Variants in SBNO2 observed in about 807,000 individuals in gnomAD.
SBNO2 encodes the protein strawberry notch homolog 2.
Under a neutral mutation model 146.3 loss-of-function variants are expected in SBNO2, and 89 were observed. That is an observed-to-expected ratio of 0.61 (90% CI 0.51 to 0.73). The LOEUF (loss-of-function observed/expected upper bound fraction) is 0.73, where lower values mean the gene tolerates loss of function less well. Among genes scored for constraint, SBNO2 ranks in the 30% least tolerant of loss-of-function variants. SBNO2 has a pLI of 0.00. For synonymous variants in SBNO2, 1,147 were observed against 892.6 expected (o/e 1.29, Z -5.08); for missense variants, 2,092 against 2,003.7 (o/e 1.04, Z -0.84).
At chr19:1,159,282 G>A (rs1387141035) in intron 1 of SBNO2, among the ~76,000 whole-genome samples, 1 of 151,832 alleles carries the variant, frequency 6.6e-6, no homozygotes, top group Non-Finnish European at 1.5e-5. Flanking sequence ...GCCCCAACTC[G>A]GCCGCCAGGA....
chr19:1,112,261 A>C lies in SBNO2; in HGVS notation c.2556T>G (p.Tyr852Ter). 1 of 1,592,844 alleles carries C rather than the reference A, an allele frequency of 6.3e-7. No homozygotes were observed. The change falls in exon 22 of 32, where the codon TAT (tyrosine) becomes TAG (stop). Residue 852 changes from tyrosine to a stop codon, truncating the protein, a stop_gained. Coordinates refer to ENST00000361757, the MANE Select transcript of SBNO2 (RefSeq NM_014963.3). LOFTEE classifies it high-confidence loss of function. This position sits in a 1 kb window ranked among gnomAD's most constrained non-coding sequence, Gnocchi z 5.9. ...CGGCCAGCTCCGAGATGAGGAAGACATACTCTGGCGCGGAGACCTGGTTGG... is the reference window on the plus strand; with the variant it reads ...CGGCCAGCTCCGAGATGAGGAAGACCTACTCTGGCGCGGAGACCTGGTTGG... ...HRSNQVSAPE[Y>*]VFLISELAGE...
rs375435245 is a variant in SBNO2 at position 1,122,504 on chromosome 19, G to A, written c.969C>T (p.Ile323=). 69 of 1,571,448 alleles carry A rather than the reference G, an allele frequency of 4.4e-5. No individual in the cohort carries two copies. Among genetic ancestry groups the A allele is most frequent in the Non-Finnish European group, 5.5e-5 (64 of 1,160,654 alleles). ...KYDAERDLRD[I]EATGIAVHAL... ...CGTGCACCGCGATGCCCGTGGCTTC[G>A]ATGTCCCGCAGGTCGCGCTCCGCAT... Residue 323 remains isoleucine (I), a synonymous_variant, in exon 10 of 32, where the codon ATC becomes ATT. Transcript: ENST00000361757.
At position 1,150,026 on chromosome 19, in the gene SBNO2, G is replaced by A. The variant is rs2080228042; in HGVS notation, c.94-584C>T. 6.6e-6 allele frequency among the ~76,000 whole-genome samples: 1 copy of A among 152,162 alleles called. No homozygotes were observed. Among genetic ancestry groups the A allele is most frequent in the African/African-American group, 2.4e-5 (1 of 41,426 alleles). On this transcript the variant is annotated intron_variant, in intron 2 of 31. Coordinates refer to ENST00000361757, the MANE Select transcript of SBNO2 (RefSeq NM_014963.3). This position sits in a 1 kb window ranked among gnomAD's most constrained non-coding sequence, Gnocchi z 6.2. The stretch of plus-strand genomic sequence containing the variant: ...GAAGCTGCACGGGGCTGGGGTGCGG[G>A]GAGCCTGCTTTGGGAAATGGTGACC...
intron 1 of SBNO2, among the ~76,000 whole-genome samples, chr19:1,164,035 A>C (rs2080376877): frequency 6.6e-6 from 1 of 151,824 alleles, no homozygotes; most frequent in South Asian, 2.1e-4. Flanking sequence ...CCGACCAAGG[A>C]CCTCCCTCCA....
chr19:1,162,832 C>T (rs955410616), intron 1 of SBNO2, among the ~76,000 whole-genome samples: 8 of 152,218 alleles, frequency 5.3e-5, no homozygotes, highest in Admixed American at 5.2e-4. Context: ...CCAGTCCAGC[C>T]GCCGGACAGC....
intron 1 of SBNO2, among the ~76,000 whole-genome samples, chr19:1,167,450 C>A (rs556887617): frequency 6.6e-6 from 1 of 152,184 alleles, no homozygotes; most frequent in African/African-American, 2.4e-5. Context: ...TGAGCTCGGC[C>A]GGGGGCGGGA....
In SBNO2 at chr19:1,109,752, G is replaced by T. The variant is rs746540148; in HGVS notation, c.3054C>A (p.Ile1018=). 1.3e-6 allele frequency: 2 copies of T among 1,573,252 alleles called. No individual in the cohort carries two copies. The highest frequency in any genetic ancestry group is 2.7e-5 in the African/African-American group (2 of 73,806). Residue 1018 remains isoleucine (I), a synonymous_variant, in exon 27 of 32, where the codon ATC becomes ATA. Coordinates refer to ENST00000361757, the MANE Select transcript of SBNO2 (RefSeq NM_014963.3). This position sits in a 1 kb window ranked among gnomAD's most constrained non-coding sequence, Gnocchi z 4.2. ...GGAACACCTGCTGGCTCTCCTCGTA[G>T]ATCTCCTCGATACCGGGAGCAAGGT... ...ILDLAPGIEE[I]YEESQQVFLA...
At chr19:1,174,148 C>CA (rs1054494040) in intron 1 of SBNO2, 24 bp downstream of exon 1, 7 of 151,580 alleles carry the variant, frequency 4.6e-5, no homozygotes, top group African/African-American at 1.7e-4. Flanking sequence ...GGAGCCGGGG[C>CA]GGGGGTCGCA....
At position 1,109,773 on chromosome 19, in the gene SBNO2, A is replaced by C. The variant is rs200770693; in HGVS notation, c.3033T>G (p.Leu1011=). ...CGTAGATCTCCTCGATACCGGGAGC[A>C]AGGTCTAGGGGGGCGGGTGGAGGGT... The part of the protein sequence containing the change: ...EGKYDMGILD[L]APGIEEIYEE... Residue 1011 remains leucine, a synonymous_variant, in exon 27 of 32, where the codon CTT becomes CTG. Transcript: ENST00000361757. This position sits in a 1 kb window ranked among gnomAD's most constrained non-coding sequence, Gnocchi z 4.2. 1.3e-6 allele frequency: 2 copies of C among 1,553,054 alleles called. No individual in the cohort carries two copies. Among genetic ancestry groups the C allele is most frequent in the Admixed American group, 3.4e-5 (2 of 58,124 alleles).
intron 1 of SBNO2, among the ~76,000 whole-genome samples, chr19:1,172,197 C>T (rs2080484236): frequency 1.3e-5 from 2 of 152,210 alleles, no homozygotes; most frequent in Admixed American, 6.5e-5. Flanking sequence ...CTTCCAAGTC[C>T]TTCCCTCTCC....
rs370209416 is a variant in SBNO2, at chr19:1,112,708, G to A, written c.2379+110C>T. 6.9e-7 allele frequency: 1 copy of A among 1,448,662 alleles called. No individual in the cohort carries two copies. Among genetic ancestry groups the A allele is most frequent in the African/African-American group, 1.4e-5 (1 of 70,678 alleles). The allele number at this position is 1,448,662 out of a possible 1,614,324, so 89.7% of individuals were successfully genotyped here. A position where few individuals can be genotyped will look rare whatever the true frequency, so the allele number is the denominator to read the frequency against. On this transcript the variant is annotated intron_variant, in intron 20 of 31. Coordinates refer to ENST00000361757, the MANE Select transcript of SBNO2 (RefSeq NM_014963.3). This position sits in a 1 kb window ranked among gnomAD's most constrained non-coding sequence, Gnocchi z 5.9. ...CACACGGCCACTCGCGCCCGCACCT[G>A]GCACACACACACTCCAGAAGTGCGC... is the stretch of plus-strand genomic sequence containing the variant.
intron 1 of SBNO2, among the ~76,000 whole-genome samples, chr19:1,156,846 G>A (rs576272206): frequency 1.8e-5 from 2 of 114,128 alleles, no homozygotes; most frequent in Non-Finnish European, 4.0e-5. Context: ...CCCTGCACCC[G>A]GGGCCCATTT....
In SBNO2 at chr19:1,122,735, C is replaced by A; in HGVS notation, c.837G>T (p.Gly279=). Residue 279 remains glycine (G), a synonymous_variant, in exon 9 of 32, where the codon GGG becomes GGT. Transcript: ENST00000361757. ...CCGTCCGGCCTTTGCCCACGCCGGCCCCATCGCCGATGAGAAAGCCCGCGC... is the reference window on the plus strand; with the variant it reads ...CCGTCCGGCCTTTGCCCACGCCGGCACCATCGCCGATGAGAAAGCCCGCGC... ...GQRAGFLIGD[G]AGVGKGRTVA... is the part of the protein sequence containing the mutation. The A allele has an allele frequency of 6.5e-7, 1 of 1,537,252 alleles. No homozygotes were observed. Among genetic ancestry groups the A allele is most frequent in the Non-Finnish European group, 8.7e-7 (1 of 1,146,514 alleles).
chr19:1,127,130 C>CT (rs2079974437), intron 5 of SBNO2, among the ~76,000 whole-genome samples: 1 of 152,242 alleles, frequency 6.6e-6, no homozygotes, highest in Non-Finnish European at 1.5e-5. Flanking sequence ...GGCTGGATGC[C>CT]ACCACAGGTG....
At chr19:1,160,250 G>C (rs913496813) in intron 1 of SBNO2, among the ~76,000 whole-genome samples, 4 of 152,118 alleles carry the variant, frequency 2.6e-5, no homozygotes, top group African/African-American at 9.7e-5. Flanking sequence ...CCCGGCTGGG[G>C]CCCAGCAAGC....
Position 1,158,336 on chromosome 19 carries a change from C to A in SBNO2, c.-126-3934G>T, listed in dbSNP as rs543051423. Among the ~76,000 whole-genome samples, 8 of 152,314 alleles carry A rather than the reference C, an allele frequency of 5.3e-5. No individual in the cohort carries two copies. The South Asian group carries it at 1.7e-3, about 32-fold the overall frequency. ...GTCCTCTCGCCGAGCAGGGTTGTGA[C>A]CCCCGCACTTTCGGATGTGGACACG... On this transcript the variant is annotated intron_variant, in intron 1 of 31. Coordinates refer to ENST00000361757, the MANE Select transcript of SBNO2 (RefSeq NM_014963.3). The surrounding 1 kb of genome is among the most constrained non-coding windows in gnomAD (Gnocchi z 9.9).
chr19:1,151,445 C>T (rs2080241776), intron 2 of SBNO2, among the ~76,000 whole-genome samples: 1 of 152,220 alleles, frequency 6.6e-6, no homozygotes, highest in Non-Finnish European at 1.5e-5. Flanking sequence ...CTCCCTCCCA[C>T]AGCCCATGGC....
intron 4 of SBNO2, among the ~76,000 whole-genome samples, chr19:1,137,014 G>A (rs375586572): frequency 2.6e-5 from 4 of 151,088 alleles, no homozygotes; most frequent in African/African-American, 9.8e-5. Flanking sequence ...TGGGTGCCGA[G>A]AGCCCCAGGA....
chr19:1,160,967 G>A (rs938674488), intron 1 of SBNO2, among the ~76,000 whole-genome samples: 2 of 150,502 alleles, frequency 1.3e-5, no homozygotes, highest in South Asian at 2.1e-4. Flanking sequence ...GGCAGGGCCC[G>A]AGGACGGAAA....
Sources: allele counts gnomAD v4.1 joint callset (sites outside exome capture counted in the v4.1 genomes callset), GRCh38; gene constraint gnomAD v4.1.1; non-coding constraint Gnocchi (gnomAD v3.1); transcripts MANE v1.5; gene names NCBI Gene and HGNC (gene_info 2026-07-23, HGNC 2026-07-21).